Variants in UGT1A9 observed in about 807,000 individuals in gnomAD.
UGT1A9 encodes the protein UDP glucuronosyltransferase family 1 member A9.
In UGT1A9, 35 loss-of-function variants were observed where a neutral mutation model predicts 45.0. The observed-to-expected ratio is 0.78, with a 90% CI of 0.59 to 1.03. The LOEUF is 1.03. Ranked by LOEUF, UGT1A9 falls within the 50% of genes least tolerant of loss-of-function variation. The pLI is 0.00. For synonymous variants in UGT1A9, 278 were observed against 250.6 expected (o/e 1.11, Z -1.03); for missense variants, 687 against 666.6 (o/e 1.03, Z -0.34).
chr2:233,672,634 A>T lies in UGT1A9; in HGVS notation c.700A>T (p.Ile234Phe), dbSNP rs1210010866. The change falls in exon 1 of 5, where the codon ATT (isoleucine) becomes TTT (phenylalanine). Residue 234 changes from isoleucine (I) to phenylalanine (F), a missense_variant. Physicochemically the swap from Ile to Phe is conservative, Grantham distance 21. Coordinates refer to ENST00000354728, the MANE Select transcript of UGT1A9 (RefSeq NM_021027.3). ...FKNALEIASE[I>F]LQTPVTEYDL... ...AAATGCCCTAGAAATAGCCTCTGAA[A>T]TTCTCCAAACACCTGTTACGGAGTA... is the stretch of plus-strand genomic sequence containing the variant. 6.2e-7 allele frequency: 1 copy of T among 1,613,936 alleles called. No homozygotes were observed.
chr2:233,719,403 C>T, intron 1 of UGT1A9: 1 of 1,613,982 alleles, frequency 6.2e-7, no homozygotes, highest in African/African-American at 1.3e-5. Flanking sequence ...CTCCTATATT[C>T]CTAAGTTACT....
chr2:233,749,355 G>C (rs1054552103), intron 1 of UGT1A9, among the ~76,000 whole-genome samples: 3 of 151,804 alleles, frequency 2.0e-5, no homozygotes, highest in African/African-American at 4.9e-5. Flanking sequence ...AATTTAAATA[G>C]TGACTCTTGC....
chr2:233,717,646 G>A (rs1286894473), intron 1 of UGT1A9: 4 of 401,574 alleles, frequency 1.0e-5, no homozygotes, highest in African/African-American at 8.2e-5. Context: ...GGGGCGACCA[G>A]GACAAGGAAG....
At chr2:233,724,223 C>T (rs2077191141) in intron 1 of UGT1A9, among the ~76,000 whole-genome samples, 1 of 128,414 alleles carries the variant, frequency 7.8e-6, no homozygotes, top group Admixed American at 7.3e-5. Flanking sequence ...CCTCACTTCC[C>T]AGTAGGGGCG....
chr2:233,760,383 G>A (rs1029837369), intron 1 of UGT1A9: 1 of 1,614,062 alleles, frequency 6.2e-7, no homozygotes, highest in African/African-American at 1.3e-5. Flanking sequence ...AGATACTGTT[G>A]ATCCCAGTGG....
rs770120796 is a variant in UGT1A9 at position 233,672,290 on chromosome 2, TA to T, written c.357del (p.Leu119PhefsTer15). The T allele has an allele frequency of 1.1e-5, 18 of 1,614,014 alleles. No homozygotes were observed. The highest frequency in any genetic ancestry group is 1.6e-4 in the Middle Eastern group (1 of 6,062). ...LMGSYNDIFD[L>X]FFSNCRSLFK... ...GGTTCATACAATGACATTTTTGACT[TA>T]TTTTTTTCAAATTGCAGGAGTTTGT... is the stretch of plus-strand genomic sequence containing the variant. On this transcript the variant is annotated frameshift_variant, in exon 1 of 5. Transcript: ENST00000354728. LOFTEE classifies it high-confidence loss of function.
chr2:233,691,273 T>C (rs921179484), intron 1 of UGT1A9: 1 of 985,424 alleles, frequency 1.0e-6, no homozygotes, highest in Non-Finnish European at 1.2e-6. Flanking sequence ...GCCGCCCCCA[T>C]GACTTTGATC....
chr2:233,759,780 G>C (rs1697251948), intron 1 of UGT1A9, among the ~76,000 whole-genome samples: 1 of 152,286 alleles, frequency 6.6e-6, no homozygotes, highest in South Asian at 2.1e-4. Context: ...TTGGACGAAG[G>C]AATGAAACAC....
chr2:233,675,529 C>G (rs1050084763), intron 1 of UGT1A9, among the ~76,000 whole-genome samples: 2 of 152,104 alleles, frequency 1.3e-5, no homozygotes, highest in Non-Finnish European at 2.9e-5. Context: ...TGTGCTTCCC[C>G]CCTTGCTGTA....
At chr2:233,684,921 C>T (rs2074710855) in intron 1 of UGT1A9, among the ~76,000 whole-genome samples, 1 of 151,250 alleles carries the variant, frequency 6.6e-6, no homozygotes, top group African/African-American at 2.4e-5. Flanking sequence ...CCTTGTTAGA[C>T]AACAGGATTC....
chr2:233,746,892 G>A (rs1693507408), intron 1 of UGT1A9, among the ~76,000 whole-genome samples: 1 of 151,796 alleles, frequency 6.6e-6, no homozygotes, highest in African/African-American at 2.4e-5. Flanking sequence ...GAAGTAGGAG[G>A]CTGTGACATG....
intron 1 of UGT1A9, among the ~76,000 whole-genome samples, chr2:233,733,899 C>T (rs563890237): frequency 6.6e-6 from 1 of 151,930 alleles, no homozygotes; most frequent in Non-Finnish European, 1.5e-5. Flanking sequence ...CCTGTTTGTA[C>T]CTCTCTGGTA....
chr2:233,766,415 C>T (rs1416459239), intron 1 of UGT1A9, among the ~76,000 whole-genome samples: 1 of 152,164 alleles, frequency 6.6e-6, no homozygotes, highest in Admixed American at 6.5e-5. Context: ...CTGATGTGCT[C>T]CTCCCGATGT....
chr2:233,689,563 A>AT (rs1226947412), intron 1 of UGT1A9, among the ~76,000 whole-genome samples: 8 of 152,172 alleles, frequency 5.3e-5, no homozygotes, highest in African/African-American at 1.7e-4. Flanking sequence ...GAATTCAGAG[A>AT]TTTTCTGATT....
chr2:233,705,804 T>G (rs1381570843), intron 1 of UGT1A9, among the ~76,000 whole-genome samples: 1 of 152,110 alleles, frequency 6.6e-6, no homozygotes, highest in African/African-American at 2.4e-5. Flanking sequence ...GTTCAAAAAT[T>G]ATTAAGAATT....
In UGT1A9 at chr2:233,723,244, C is replaced by T. The variant is rs1231451860; in HGVS notation, c.856-43790C>T. On this transcript the variant is annotated intron_variant, in intron 1 of 4. Transcript: ENST00000354728. ...TTTTTTTTTTTGAGTTGGAGTCCTG[C>T]TGTCACCCAGGCTGGAGTGCAATGG... Among the ~76,000 whole-genome samples the T allele has an allele frequency of 1.8e-5, 2 of 112,620 alleles. 1 individual carries two copies. Among genetic ancestry groups the T allele is most frequent in the East Asian group, 4.7e-4 (2 of 4,276 alleles). 73.9% of individuals were successfully genotyped at this position (112,620 alleles called of 152,430 possible).
intron 1 of UGT1A9, among the ~76,000 whole-genome samples, chr2:233,696,279 C>T (rs537707708): frequency 2.6e-5 from 4 of 152,226 alleles, no homozygotes; most frequent in Admixed American, 6.5e-5. Context: ...ATAAAGAAAA[C>T]GTAGGACTGT....
chr2:233,755,791 C>T (rs1696023449), intron 1 of UGT1A9: 1 of 152,494 alleles, frequency 6.6e-6, no homozygotes, highest in Admixed American at 6.5e-5. Flanking sequence ...ATCATATGTA[C>T]TGCATTAGAG....
intron 1 of UGT1A9, among the ~76,000 whole-genome samples, chr2:233,757,479 A>C (rs1206962025): frequency 6.8e-6 from 1 of 148,148 alleles, no homozygotes; most frequent in Non-Finnish European, 1.5e-5. Flanking sequence ...CTCCAAAACC[A>C]TGGACTGGCA....
Sources: allele counts gnomAD v4.1 joint callset (sites outside exome capture counted in the v4.1 genomes callset), GRCh38; gene constraint gnomAD v4.1.1; transcripts MANE v1.5; gene names NCBI Gene and HGNC (gene_info 2026-07-23, HGNC 2026-07-21).